Variants in HSDL1 observed in about 807,000 individuals in gnomAD.
The protein encoded by HSDL1 is hydroxysteroid dehydrogenase like 1.
HSDL1 carries 29 observed loss-of-function variants against 31.5 expected under a neutral mutation model. The ratio of observed to expected loss-of-function variants is 0.92; its 90% CI spans 0.69 to 1.26. The LOEUF is 1.26. Ranked by LOEUF, HSDL1 falls within the 50% of genes most tolerant of loss-of-function variation. The pLI, the probability that HSDL1 is intolerant of heterozygous loss-of-function variation, is 0.00. For missense variants in HSDL1, 503 were observed against 416.6 expected (o/e 1.21, Z -1.81); for synonymous variants, 222 against 155.2 (o/e 1.43, Z -3.20).
Position 84,129,940 on chromosome 16 carries a change from T to C in HSDL1, c.666+46A>G, listed in dbSNP as rs112872252. The C allele has an allele frequency of 5.4e-5, 85 of 1,565,064 alleles. No homozygotes were observed. The African/African-American group carries it at 9.4e-4, about 17-fold the overall frequency. Reference sequence around the variant, plus strand: ...ATCAGACCAAACAACTGTTAATAAATGTTCTGTGGCATTAGGATTTCATCT... The same window carrying C: ...ATCAGACCAAACAACTGTTAATAAACGTTCTGTGGCATTAGGATTTCATCT... On this transcript the variant is annotated intron_variant, in intron 4 of 5. Transcript: ENST00000219439.
chr16:84,140,985 G>A (rs1359280082), intron 1 of HSDL1, among the ~76,000 whole-genome samples: 2 of 151,090 alleles, frequency 1.3e-5, no homozygotes, highest in Non-Finnish European at 2.9e-5. Flanking sequence ...CAGCTACTCG[G>A]GAGGCTGAGG....
chr16:84,126,700 G>T (rs2086609873), intron 5 of HSDL1, among the ~76,000 whole-genome samples: 1 of 151,728 alleles, frequency 6.6e-6, no homozygotes, highest in Non-Finnish European at 1.5e-5. Context: ...TCAATAAATG[G>T]ACACAGGTTA....
chr16:84,138,097 C>A (rs2086729508), intron 1 of HSDL1, among the ~76,000 whole-genome samples: 1 of 152,112 alleles, frequency 6.6e-6, no homozygotes, highest in Non-Finnish European at 1.5e-5. Context: ...TCCCAAACTG[C>A]GAAAAGTAAG....
intron 3 of HSDL1, 66 bp downstream of exon 3, chr16:84,131,036 C>A (rs982310511): frequency 3.9e-6 from 5 of 1,284,080 alleles, no homozygotes; most frequent in Admixed American, 2.0e-5. Context: ...ACATTAAATT[C>A]AATAGCTCCT....
At position 84,123,736 on chromosome 16, in the gene HSDL1, T is replaced by G. The variant is rs1180725270; in HGVS notation, c.*894A>C. The G allele has an allele frequency of 6.6e-6, 1 of 152,536 alleles. No individual in the cohort carries two copies. Among genetic ancestry groups the G allele is most frequent in the Non-Finnish European group, 1.5e-5 (1 of 68,018 alleles). The allele number at this position is 152,536 out of a possible 1,614,324, so 9.4% of individuals were successfully genotyped here. A position where few individuals can be genotyped will look rare whatever the true frequency, so the allele number is the denominator to read the frequency against. On this transcript the variant is annotated 3_prime_UTR_variant, in exon 6 of 6. Coordinates refer to ENST00000219439, the MANE Select transcript of HSDL1 (RefSeq NM_031463.5). ...TATAACAAGCTCTAAAGGGCTAAAT[T>G]TCAGTTATAAAATGGGTCAGAGGCT...
Position 84,129,516 on chromosome 16 carries a change from A to G in HSDL1, c.894+32T>C, listed in dbSNP as rs531812764. 13 of 1,456,602 alleles carry G rather than the reference A, an allele frequency of 8.9e-6. No individual in the cohort carries two copies. The South Asian group carries it at 1.5e-4, about 17-fold the overall frequency. The allele number at this position is 1,456,602 out of a possible 1,614,324, so 90.2% of individuals were successfully genotyped here. On this transcript the variant is annotated intron_variant, in intron 5 of 5. Coordinates refer to ENST00000219439, the MANE Select transcript of HSDL1 (RefSeq NM_031463.5). ...ACTGAGATAGGTTCATGATGCATTA[A>G]TCTAATTATGAGACCTGAAGCACAC...
chr16:84,142,900 G>A (rs1400141838), intron 1 of HSDL1, among the ~76,000 whole-genome samples: 2 of 152,186 alleles, frequency 1.3e-5, no homozygotes, highest in East Asian at 3.8e-4. Context: ...GTTAGCATTG[G>A]TGTATCAAGA....
rs1458749893 is a variant in HSDL1, at chr16:84,123,549, A to G, written c.*1081T>C. 6.6e-6 allele frequency: 1 copy of G among 152,348 alleles called. No homozygotes were observed. The highest frequency in any genetic ancestry group is 6.5e-5 in the Admixed American group (1 of 15,292). 9.4% of individuals were successfully genotyped at this position (152,348 alleles called of 1,614,324 possible). On this transcript the variant is annotated 3_prime_UTR_variant, in exon 6 of 6. Coordinates refer to ENST00000219439, the MANE Select transcript of HSDL1 (RefSeq NM_031463.5). ...AGTAAAGGTATTCACTACAATACAT[A>G]AATTCATTACACAAACCAAGAATAA...
At chr16:84,127,721 T>C (rs2086623195) in intron 5 of HSDL1, among the ~76,000 whole-genome samples, 1 of 149,220 alleles carries the variant, frequency 6.7e-6, no homozygotes, top group Non-Finnish European at 1.5e-5. Context: ...CTGGTATTTT[T>C]TTTTTTTTTT....
At chr16:84,126,308 G>A (rs1169569674) in intron 5 of HSDL1, among the ~76,000 whole-genome samples, 1 of 152,032 alleles carries the variant, frequency 6.6e-6, no homozygotes, top group Non-Finnish European at 1.5e-5. Flanking sequence ...ACCAGGGAAG[G>A]GAGTCCTGCT....
In HSDL1 at chr16:84,122,868, T is replaced by G. The variant is rs1270984915; in HGVS notation, c.*1762A>C. On this transcript the variant is annotated 3_prime_UTR_variant, in exon 6 of 6. Coordinates refer to ENST00000219439, the MANE Select transcript of HSDL1 (RefSeq NM_031463.5). Reference sequence around the variant, plus strand: ...CAAGGAGAGAAGTTTACATCATCACTGACAAGGTGTGTTCACCTATTCTCA... The same window carrying G: ...CAAGGAGAGAAGTTTACATCATCACGGACAAGGTGTGTTCACCTATTCTCA... The G allele has an allele frequency of 6.6e-6, 1 of 152,268 alleles. No individual in the cohort carries two copies. The highest frequency in any genetic ancestry group is 6.5e-5 in the Admixed American group (1 of 15,284). 9.4% of individuals were successfully genotyped at this position (152,268 alleles called of 1,614,324 possible).
At position 84,122,755 on chromosome 16, in the gene HSDL1, G is replaced by C. The variant is rs1364827789; in HGVS notation, c.*1875C>G. 6.6e-6 allele frequency: 1 copy of C among 152,180 alleles called. No individual in the cohort carries two copies. Among genetic ancestry groups the C allele is most frequent in the Non-Finnish European group, 1.5e-5 (1 of 68,038 alleles). 9.4% of individuals were successfully genotyped at this position (152,180 alleles called of 1,614,324 possible). Reference sequence around the variant, plus strand: ...CATTTAATGAAAGCTAGAAAACCTAGAGAAGGTCTTGCTCTTCATCTTTCA... The same window carrying C: ...CATTTAATGAAAGCTAGAAAACCTACAGAAGGTCTTGCTCTTCATCTTTCA... On this transcript the variant is annotated 3_prime_UTR_variant, in exon 6 of 6. Transcript: ENST00000219439.
chr16:84,125,505 C>T (rs1398619473), intron 5 of HSDL1, among the ~76,000 whole-genome samples: 3 of 151,694 alleles, frequency 2.0e-5, no homozygotes, highest in African/African-American at 4.8e-5. Context: ...AACAAATACC[C>T]ACCAATCACA....
At position 84,130,224 on chromosome 16, in the gene HSDL1, T is replaced by C; in HGVS notation, c.428A>G (p.Lys143Arg). ...YLPIREALKD[K>R]DVGILVNNVG... ...GTTATTTACCAAGATGCCAACGTCTTTGTCCTTCAGGGCTTCTCGAATTGG... is the reference window on the plus strand; with the variant it reads ...GTTATTTACCAAGATGCCAACGTCTCTGTCCTTCAGGGCTTCTCGAATTGG... The change falls in exon 4 of 6, where the codon AAA becomes AGA. Residue 143 changes from lysine to arginine, a missense_variant. Transcript: ENST00000219439. 6.2e-7 allele frequency: 1 copy of C among 1,614,240 alleles called. No individual in the cohort carries two copies. The highest frequency in any genetic ancestry group is 8.5e-7 in the Non-Finnish European group (1 of 1,180,052).
intron 5 of HSDL1, among the ~76,000 whole-genome samples, chr16:84,128,477 TTAAAA>T (rs1383292434): frequency 7.2e-5 from 11 of 152,206 alleles, no homozygotes; most frequent in Admixed American, 7.2e-4. Flanking sequence ...AACAATAAGC[TTAAAA>T]TAAAAATTCT....
intron 1 of HSDL1, among the ~76,000 whole-genome samples, chr16:84,141,830 C>CT (rs967480347): frequency 3.3e-5 from 5 of 151,932 alleles, no homozygotes; most frequent in African/African-American, 4.8e-5. Context: ...TTGTCCTTTC[C>CT]TTTTTTTTCT....
In HSDL1 at chr16:84,129,731, G is replaced by A; in HGVS notation, c.711C>T (p.Ala237=). ...HFSRALQYEY[A]SKGIFVQSLI... ...GACTCTGTACAAAGATTCCTTTAGA[G>A]GCATATTCATATTGCAAGGCTCTGC... Residue 237 remains alanine (A), a synonymous_variant, in exon 5 of 6, where the codon GCC becomes GCT. Coordinates refer to ENST00000219439, the MANE Select transcript of HSDL1 (RefSeq NM_031463.5). The A allele has an allele frequency of 1.2e-6, 2 of 1,614,176 alleles. No homozygotes were observed. The highest frequency in any genetic ancestry group is 1.7e-6 in the Non-Finnish European group (2 of 1,180,012).
rs2086643125 is a variant in HSDL1 at position 84,129,705 on chromosome 16, A to C, written c.737T>G (p.Leu246Arg). 6.2e-7 allele frequency: 1 copy of C among 1,614,140 alleles called. No homozygotes were observed. The highest frequency in any genetic ancestry group is 1.7e-5 in the Admixed American group (1 of 60,016). The change falls in exon 5 of 6, where the codon CTA becomes CGA. Residue 246 changes from leucine to arginine, a missense_variant. Coordinates refer to ENST00000219439, the MANE Select transcript of HSDL1 (RefSeq NM_031463.5). ...GCTGGTGGCTACATAGAAAGGGATTAGACTCTGTACAAAGATTCCTTTAGA... is the reference window on the plus strand; with the variant it reads ...GCTGGTGGCTACATAGAAAGGGATTCGACTCTGTACAAAGATTCCTTTAGA... ...YASKGIFVQS[L>R]IPFYVATSMT...
In HSDL1 at chr16:84,124,612, T is replaced by C. The variant is rs2151183190; in HGVS notation, c.*18A>G. ...GGTTCCCAGGAGTTGGCAAAACTTC[T>C]CAAGTGGCCATCCAGACTCAGGCTG... is the stretch of plus-strand genomic sequence containing the variant. On this transcript the variant is annotated 3_prime_UTR_variant, in exon 6 of 6. Coordinates refer to ENST00000219439, the MANE Select transcript of HSDL1 (RefSeq NM_031463.5). 13 of 1,561,700 alleles carry C rather than the reference T, an allele frequency of 8.3e-6. No homozygotes were observed. The highest frequency in any genetic ancestry group is 1.1e-5 in the Non-Finnish European group (13 of 1,132,530).
Sources: allele counts gnomAD v4.1 joint callset (sites outside exome capture counted in the v4.1 genomes callset), GRCh38; gene constraint gnomAD v4.1.1; transcripts MANE v1.5; gene names NCBI Gene and HGNC (gene_info 2026-07-23, HGNC 2026-07-21).